Variants in PDE6B observed in about 807,000 individuals in gnomAD.
PDE6B encodes the protein rod cGMP-specific 3',5'-cyclic phosphodiesterase subunit beta.
PDE6B carries 106 observed loss-of-function variants against 109.0 expected under a neutral mutation model. The observed-to-expected ratio is 0.97, with a 90% CI of 0.83 to 1.14. The LOEUF is 1.14. Among genes scored for constraint, PDE6B ranks in the 50% most tolerant of loss-of-function variants. The probability of loss-of-function intolerance (pLI) is 0.00; values close to 1 mark genes in which losing one functional copy is unlikely to be tolerated. For synonymous variants in PDE6B, 490 were observed against 471.3 expected (o/e 1.04, Z -0.51); for missense variants, 1,193 against 1,155.6 (o/e 1.03, Z -0.47).
chr4:642,116 G>C (rs116807918), intron 3 of PDE6B, among the ~76,000 whole-genome samples: 3,462 of 152,298 alleles, frequency 0.023, 42 homozygotes, highest in Middle Eastern at 0.037. Flanking sequence ...GGTGAGAGGA[G>C]GGAGATATCT....
intron 6 of PDE6B, 151 bp from the exon 7 acceptor site, chr4:655,788 CA>C (rs1736152309): frequency 2.9e-6 from 2 of 700,886 alleles, no homozygotes; most frequent in Non-Finnish European, 5.2e-6. Flanking sequence ...CACACACGTG[CA>C]GCCCAGACCA....
chr4:651,577 GATTC>G (rs1456639018), intron 3 of PDE6B: 1 of 152,428 alleles, frequency 6.6e-6, no homozygotes, highest in Non-Finnish European at 1.5e-5. Flanking sequence ...TGCACCTGGC[GATTC>G]CACACATCTA....
At chr4:658,895 G>A (rs941417147) in intron 10 of PDE6B, 57 bp from the exon 11 acceptor site, 28 of 1,292,940 alleles carry the variant, frequency 2.2e-5, no homozygotes, top group South Asian at 5.9e-5. Flanking sequence ...ACGCACCGCC[G>A]TCACCTTGTC....
intron 1 of PDE6B, among the ~76,000 whole-genome samples, chr4:628,799 C>T (rs1734242176): frequency 6.6e-6 from 1 of 152,222 alleles, no homozygotes; most frequent in Non-Finnish European, 1.5e-5. Flanking sequence ...GTGGGACCAG[C>T]TTCTGGGAGG....
intron 3 of PDE6B, among the ~76,000 whole-genome samples, chr4:641,590 C>A (rs774796290): frequency 6.6e-6 from 1 of 152,208 alleles, no homozygotes; most frequent in Non-Finnish European, 1.5e-5. Context: ...CCTGGGGGAC[C>A]CATGAGGCCC....
rs556503473 is a variant in PDE6B, at chr4:651,243, C to T, written c.712-2609C>T. ...TCAACGGCAGTGGGGCCGTCACAGG[C>T]GGGGCAGGGGCTGAGGCGGCGATGT... On this transcript the variant is annotated intron_variant, in intron 3 of 21. Coordinates refer to ENST00000496514, the MANE Select transcript of PDE6B (RefSeq NM_000283.4). 2.8e-3 allele frequency among the ~76,000 whole-genome samples: 393 copies of T among 139,854 alleles called. 4 individuals are homozygous for T. The highest frequency in any genetic ancestry group is 0.01 in the African/African-American group (380 of 37,454). The allele number at this position is 139,854 out of a possible 152,430, so 91.7% of individuals were successfully genotyped here.
chr4:644,533 T>TC (rs1292868007), intron 3 of PDE6B, among the ~76,000 whole-genome samples: 1 of 151,938 alleles, frequency 6.6e-6, no homozygotes, highest in East Asian at 1.9e-4. Flanking sequence ...TTGTTTTTTT[T>TC]ATTTTTATTT....
At chr4:627,869 T>TCTGC (rs1734192521) in intron 1 of PDE6B, among the ~76,000 whole-genome samples, 1 of 151,840 alleles carries the variant, frequency 6.6e-6, no homozygotes, top group African/African-American at 2.4e-5. Flanking sequence ...CCCACCCGGC[T>TCTGC]GATGGTGTCT....
intron 12 of PDE6B, chr4:661,539 C>CA (rs1198619204): frequency 6.5e-6 from 1 of 154,326 alleles, no homozygotes; most frequent in Non-Finnish European, 1.4e-5. Context: ...ACAGGTGCAG[C>CA]AGGCCAGCAT....
chr4:651,600 C>T (rs963379339), intron 3 of PDE6B: 3 of 152,112 alleles, frequency 2.0e-5, no homozygotes, highest in African/African-American at 7.3e-5. Context: ...TACAGCGAGT[C>T]TCCTGAGCCG....
At chr4:656,407 T>C in intron 8 of PDE6B, 115 bp downstream of exon 8, 1 of 791,454 alleles carries the variant, frequency 1.3e-6, no homozygotes, top group Non-Finnish European at 2.3e-6. Context: ...CAGCCAGGCA[T>C]GGTGGCTCAC....
chr4:662,292 G>C lies in PDE6B; in HGVS notation c.1722+51G>C. The C allele has an allele frequency of 9.1e-7, 1 of 1,094,150 alleles. No individual in the cohort carries two copies. The highest frequency in any genetic ancestry group is 1.4e-6 in the Non-Finnish European group (1 of 730,732). The allele number at this position is 1,094,150 out of a possible 1,614,324, so 67.8% of individuals were successfully genotyped here. A position where few individuals can be genotyped will look rare whatever the true frequency, so the allele number is the denominator to read the frequency against. ...GTTGTGCAGGCCCTCCTGGTACCAA[G>C]GGCAGCACTCAAGCACCCCGAGGGA... On this transcript the variant is annotated intron_variant, in intron 13 of 21. Transcript: ENST00000496514. This position sits in a 1 kb window ranked among gnomAD's most constrained non-coding sequence, Gnocchi z 4.3.
rs552545245 is a variant in PDE6B at position 628,591 on chromosome 4, G to A, written c.468+2497G>A. Among the ~76,000 whole-genome samples the A allele has an allele frequency of 3.3e-4, 51 of 152,350 alleles. No homozygotes were observed. In the East Asian group the frequency reaches 7.7e-3, roughly 23 times the overall value. Reference sequence around the variant, plus strand: ...TGAGTCTGCAGGGCAGGCAGGCCCCGGGTAACCCGCTCCTCCCTGAGCTGC... The same window carrying A: ...TGAGTCTGCAGGGCAGGCAGGCCCCAGGTAACCCGCTCCTCCCTGAGCTGC... On this transcript the variant is annotated intron_variant, in intron 1 of 21. Transcript: ENST00000496514.
chr4:669,305 A>G (rs111384425), intron 21 of PDE6B, among the ~76,000 whole-genome samples: 13 of 87,490 alleles, frequency 1.5e-4, no homozygotes, highest in African/African-American at 5.6e-4. Flanking sequence ...TGCTAGTCCC[A>G]CTACCCCATG....
rs567182214 is a variant in PDE6B at position 653,303 on chromosome 4, C to G, written c.712-549C>G. 7 of 1,026,332 alleles carry G rather than the reference C, an allele frequency of 6.8e-6. No individual in the cohort carries two copies. In the East Asian group the frequency reaches 5.4e-4, roughly 79 times the overall value. 63.6% of individuals were successfully genotyped at this position (1,026,332 alleles called of 1,614,324 possible). ...GACCAAGGAGGCAGAGAAAGGTGGC[C>G]CAAGGAGGGCCCTGGGGTGAGTCTG... On this transcript the variant is annotated intron_variant, in intron 3 of 21. Coordinates refer to ENST00000496514, the MANE Select transcript of PDE6B (RefSeq NM_000283.4).
In PDE6B at chr4:663,196, A is replaced by G; in HGVS notation, c.1920+9A>G. The G allele has an allele frequency of 6.6e-7, 1 of 1,517,306 alleles. No homozygotes were observed. The highest frequency in any genetic ancestry group is 9.2e-7 in the Non-Finnish European group (1 of 1,092,082). 94.0% of individuals were successfully genotyped at this position (1,517,306 alleles called of 1,614,324 possible). On this transcript the variant is annotated intron_variant, in intron 15 of 21. Transcript: ENST00000496514. This position sits in a 1 kb window ranked among gnomAD's most constrained non-coding sequence, Gnocchi z 4.0. Reference sequence around the variant, plus strand: ...TCCTGCTCTCGGAGGAGGTTGGTATACTCACCCTCGGTTTCTGCTGTGGGC... The same window carrying G: ...TCCTGCTCTCGGAGGAGGTTGGTATGCTCACCCTCGGTTTCTGCTGTGGGC...
chr4:634,802 C>A lies in PDE6B; in HGVS notation c.594C>A (p.Gly198=), dbSNP rs201222077. ...AVIMAVNKLN[G]PFFTSEDEDV... Reference sequence around the variant, plus strand: ...TCATGGCAGTGAACAAGCTCAACGGCCCATTCTTCACCAGCGAAGACGAAG... The same window carrying A: ...TCATGGCAGTGAACAAGCTCAACGGACCATTCTTCACCAGCGAAGACGAAG... The change falls in exon 2 of 22, where the codon GGC becomes GGA. Residue 198 remains glycine, a synonymous_variant. Coordinates refer to ENST00000496514, the MANE Select transcript of PDE6B (RefSeq NM_000283.4). 6.2e-7 allele frequency: 1 copy of A among 1,614,004 alleles called. No individual in the cohort carries two copies. The highest frequency in any genetic ancestry group is 2.2e-5 in the East Asian group (1 of 44,864).
intron 5 of PDE6B, 188 bp from the exon 6 acceptor site, chr4:654,636 T>C (rs1735979365): frequency 5.9e-6 from 4 of 673,048 alleles, no homozygotes; most frequent in Middle Eastern, 3.8e-4. Flanking sequence ...TGGGTGTGAG[T>C]GCACCCGCAT....
In PDE6B at chr4:655,952, C is replaced by G. The variant is rs370605672; in HGVS notation, c.1005C>G (p.Ala335=). 2.6e-5 allele frequency: 42 copies of G among 1,609,022 alleles called. No homozygotes were observed. The South Asian group carries it at 4.3e-4, about 16-fold the overall frequency. The part of the protein sequence containing the change: ...EEIKVIPTPS[A]DHWALASGLP... ...TCTCTGCCCACAGCACACCCTCAGC[C>G]GATCACTGGGCCCTGGCCAGCGGCC... The change falls in exon 7 of 22, where the codon GCC becomes GCG. Residue 335 remains alanine (A), a synonymous_variant. Coordinates refer to ENST00000496514, the MANE Select transcript of PDE6B (RefSeq NM_000283.4).
Sources: allele counts gnomAD v4.1 joint callset (sites outside exome capture counted in the v4.1 genomes callset), GRCh38; gene constraint gnomAD v4.1.1; non-coding constraint Gnocchi (gnomAD v3.1); transcripts MANE v1.5; gene names NCBI Gene and HGNC (gene_info 2026-07-23, HGNC 2026-07-21).